ARHGEF10L: variants seen among roughly 807,000 people sequenced by gnomAD.
The protein encoded by ARHGEF10L is Rho guanine nucleotide exchange factor 10 like.
Under a neutral mutation model 141.2 loss-of-function variants are expected in ARHGEF10L, and 69 were observed. The ratio of observed to expected loss-of-function variants is 0.49; its 90% CI spans 0.40 to 0.60. The LOEUF (loss-of-function observed/expected upper bound fraction) is 0.60, where lower values mean the gene tolerates loss of function less well. Among genes scored for constraint, ARHGEF10L ranks in the 20% least tolerant of loss-of-function variants. ARHGEF10L has a pLI of 0.00. For synonymous variants in ARHGEF10L, 711 were observed against 718.5 expected (o/e 0.99, Z 0.17); for missense variants, 1,482 against 1,734.3 (o/e 0.85, Z 2.58).
chr1:17,522,797 T>A, the ARHGEF10L span, among the ~76,000 whole-genome samples: 8 of 152,048 alleles, frequency 5.3e-5, no homozygotes, highest in Non-Finnish European at 1.5e-5. Flanking sequence ...CCCTCCCCCC[T>A]GGAAGGTGAA....
At chr1:17,618,460 A>C (rs1181519922) in intron 9 of ARHGEF10L, 3 of 1,466,484 alleles carry the variant, frequency 2.0e-6, no homozygotes, top group African/African-American at 1.5e-5. Context: ...GGTCTGCACC[A>C]CCCCCACCCC....
intron 4 of ARHGEF10L, among the ~76,000 whole-genome samples, chr1:17,595,076 A>G (rs2079944720): frequency 6.6e-6 from 1 of 152,210 alleles, no homozygotes; most frequent in Non-Finnish European, 1.5e-5. Context: ...AAAATTAGAA[A>G]GTACAGAAAA....
chr1:17,635,524 C>A (rs891499492), intron 18 of ARHGEF10L, among the ~76,000 whole-genome samples: 3 of 152,142 alleles, frequency 2.0e-5, no homozygotes, highest in Admixed American at 6.5e-5. Flanking sequence ...GGCCATGCTC[C>A]CTCCCACCAC....
At chr1:17,686,392 G>A (rs2064600704) in intron 26 of ARHGEF10L, among the ~76,000 whole-genome samples, 1 of 152,228 alleles carries the variant, frequency 6.6e-6, no homozygotes, top group East Asian at 1.9e-4. Flanking sequence ...AAGGGCATGA[G>A]GCCCAGGCTC....
At chr1:17,572,195 G>T in intron 1 of ARHGEF10L, among the ~76,000 whole-genome samples, 1 of 152,236 alleles carries the variant, frequency 6.6e-6, no homozygotes, top group South Asian at 2.1e-4. Flanking sequence ...GGAGGGTGCG[G>T]CCTGGGAGAG....
intron 1 of ARHGEF10L, among the ~76,000 whole-genome samples, chr1:17,555,881 C>T (rs570038828): frequency 1.3e-5 from 2 of 152,174 alleles, no homozygotes; most frequent in South Asian, 2.1e-4. Context: ...TAATTGGAAC[C>T]ACCCTGCCTT....
rs371858468 is a variant in ARHGEF10L at position 17,697,081 on chromosome 1, G to T, written c.3541G>T (p.Ala1181Ser). ...CTTGCAGTACCGCCTGCGCTCCACCGCACACCTCCCGGGCCCGCTGCTCTC... is the reference window on the plus strand; with the variant it reads ...CTTGCAGTACCGCCTGCGCTCCACCTCACACCTCCCGGGCCCGCTGCTCTC... ...ILLQYRLRST[A>S]HLPGPLLSMR... is the part of the protein sequence containing the mutation. The change falls in exon 29 of 29, where the codon GCA (alanine) becomes TCA (serine). Residue 1181 changes from alanine to serine, a missense_variant. Around this residue, in one of 3 missense-constraint regions of ARHGEF10L, gnomAD observed 858 missense variants for 966.3 expected, o/e 0.89. Coordinates refer to ENST00000361221, the MANE Select transcript of ARHGEF10L (RefSeq NM_018125.4). This position sits in a 1 kb window ranked among gnomAD's most constrained non-coding sequence, Gnocchi z 4.8. The T allele has an allele frequency of 1.9e-6, 3 of 1,606,266 alleles. No individual in the cohort carries two copies. The highest frequency in any genetic ancestry group is 3.4e-5 in the Admixed American group (2 of 59,672).
chr1:17,649,077 A>T (rs2061761911), intron 22 of ARHGEF10L, among the ~76,000 whole-genome samples: 2 of 152,198 alleles, frequency 1.3e-5, no homozygotes, highest in Admixed American at 1.3e-4. Flanking sequence ...CTCCAGCGCC[A>T]TCAGGCCTCC....
At chr1:17,635,426 G>T (rs2060940119) in intron 18 of ARHGEF10L, among the ~76,000 whole-genome samples, 1 of 152,144 alleles carries the variant, frequency 6.6e-6, no homozygotes, top group African/African-American at 2.4e-5. Context: ...CCCATTGCCG[G>T]TCCTGAGGGT....
chr1:17,519,619 GA>G, the ARHGEF10L span, among the ~76,000 whole-genome samples: 1 of 150,976 alleles, frequency 6.6e-6, no homozygotes, highest in East Asian at 2.0e-4. Flanking sequence ...AAAAGAAAAT[GA>G]AAAAAAAGGA....
chr1:17,670,314 C>T (rs1292130670), intron 26 of ARHGEF10L, among the ~76,000 whole-genome samples: 1 of 152,238 alleles, frequency 6.6e-6, no homozygotes, highest in African/African-American at 2.4e-5. Context: ...CCACCAACTG[C>T]TTGTTCAGCT....
At position 17,621,826 on chromosome 1, in the gene ARHGEF10L, G is replaced by C; in HGVS notation, c.943-38G>C. On this transcript the variant is annotated intron_variant, in intron 10 of 28. Coordinates refer to ENST00000361221, the MANE Select transcript of ARHGEF10L (RefSeq NM_018125.4). The surrounding 1 kb of genome is among the most constrained non-coding windows in gnomAD (Gnocchi z 4.1). Reference sequence around the variant, plus strand: ...CTGTCACTTGGGCCCTGTGCAGCAGGTGTCATGTGCGCTGACCGTGCTTTT... The same window carrying C: ...CTGTCACTTGGGCCCTGTGCAGCAGCTGTCATGTGCGCTGACCGTGCTTTT... 1 of 1,416,022 alleles carries C rather than the reference G, an allele frequency of 7.1e-7. No individual in the cohort carries two copies. Among genetic ancestry groups the C allele is most frequent in the Non-Finnish European group, 9.8e-7 (1 of 1,024,546 alleles). 87.7% of individuals were successfully genotyped at this position (1,416,022 alleles called of 1,614,324 possible).
Position 17,659,453 on chromosome 1 carries a change from C to T in ARHGEF10L, c.2860+2745C>T, listed in dbSNP as rs147492053. Among the ~76,000 whole-genome samples, 1,350 of 152,304 alleles carry T rather than the reference C, an allele frequency of 8.9e-3. 21 individuals are homozygous for T. Among genetic ancestry groups the T allele is most frequent in the African/African-American group, 0.031 (1,304 of 41,564 alleles). On this transcript the variant is annotated intron_variant, in intron 25 of 28. Coordinates refer to ENST00000361221, the MANE Select transcript of ARHGEF10L (RefSeq NM_018125.4). ...CAGGTCTTGAATCATCCACCTGGTC[C>T]GTGACCAGCTGTGGGACTGGCATCA...
chr1:17,559,008 C>T (rs1454156479), intron 1 of ARHGEF10L, among the ~76,000 whole-genome samples: 2 of 152,218 alleles, frequency 1.3e-5, no homozygotes, highest in Non-Finnish European at 2.9e-5. Context: ...CTGCAACCCA[C>T]AGGGCCCGGC....
chr1:17,526,481 C>T, the ARHGEF10L span, among the ~76,000 whole-genome samples: 1 of 152,192 alleles, frequency 6.6e-6, no homozygotes, highest in African/African-American at 2.4e-5. Context: ...GTCACTTGGT[C>T]TCACTGAGGT....
chr1:17,556,332 T>G (rs1570445206), intron 1 of ARHGEF10L, among the ~76,000 whole-genome samples: 18 of 137,752 alleles, frequency 1.3e-4, no homozygotes, highest in South Asian at 2.3e-4. Flanking sequence ...CCTGGGAGCA[T>G]GGGGGTAAGC....
intron 1 of ARHGEF10L, among the ~76,000 whole-genome samples, chr1:17,549,037 T>C (rs2077017152): frequency 6.6e-6 from 1 of 151,610 alleles, no homozygotes; most frequent in Non-Finnish European, 1.5e-5. Context: ...TTGTTTTTGT[T>C]TTTGAGATGG....
rs2061106474 is a variant in ARHGEF10L, at chr1:17,637,940, G to A, written c.1980G>A (p.Gln660=). ...PRLFQELQDL[Q]KDLAVVEQIT... is the part of the protein sequence containing the mutation. ...TCTTCCAGGAGCTGCAGGACCTGCA[G>A]AAGGACCTGGCCGTGGTGGAGCAGA... Residue 660 remains glutamine, a synonymous_variant, in exon 19 of 29, where the codon CAG becomes CAA. Transcript: ENST00000361221. 1 of 1,602,820 alleles carries A rather than the reference G, an allele frequency of 6.2e-7. No individual in the cohort carries two copies. The highest frequency in any genetic ancestry group is 1.3e-5 in the African/African-American group (1 of 74,796).
At chr1:17,634,230 A>G (rs1190247466) in intron 16 of ARHGEF10L, 1 of 507,720 alleles carries the variant, frequency 2.0e-6, no homozygotes, top group Non-Finnish European at 3.5e-6. Context: ...CGCAAAGTGC[A>G]AAGTGGGGTG....
Sources: allele counts gnomAD v4.1 joint callset (sites outside exome capture counted in the v4.1 genomes callset), GRCh38; gene constraint gnomAD v4.1.1; regional missense constraint gnomAD v4.1.1; non-coding constraint Gnocchi (gnomAD v3.1); transcripts MANE v1.5; gene names NCBI Gene and HGNC (gene_info 2026-07-23, HGNC 2026-07-21).